VMP1: variants seen among roughly 807,000 people sequenced by gnomAD.
VMP1 encodes ectopic P-granules autophagy protein 3 homolog.
A neutral mutation model predicts 56.0 loss-of-function variants in VMP1; 11 were observed. The ratio of observed to expected loss-of-function variants is 0.20; its 90% CI spans 0.12 to 0.32. The LOEUF is 0.32. VMP1 is among the 10% of genes least tolerant of loss of function. The pLI is 1.00. For synonymous variants in VMP1, 149 were observed against 165.0 expected, an observed-to-expected ratio of 0.90 and a Z score of 0.74; for missense variants, 296 against 490.3, an observed-to-expected ratio of 0.60 and a Z score of 3.74.
chr17:59,781,768 A>C (rs1206348971), intron 7 of VMP1, among the ~76,000 whole-genome samples: 1 of 152,192 alleles, frequency 6.6e-6, no homozygotes, highest in Non-Finnish European at 1.5e-5. Context: ...TGTTCATCTA[A>C]CAGGTGCATA....
chr17:59,730,614 G>A (rs532558107), intron 1 of VMP1, among the ~76,000 whole-genome samples: 2 of 152,260 alleles, frequency 1.3e-5, no homozygotes, highest in Non-Finnish European at 2.9e-5. Context: ...TTGTATTAAG[G>A]ACTCAGCATT....
chr17:59,712,516 T>A (rs2033972235), intron 1 of VMP1, among the ~76,000 whole-genome samples: 1 of 152,206 alleles, frequency 6.6e-6, no homozygotes, highest in Non-Finnish European at 1.5e-5. Context: ...CCTTATCTGT[T>A]CATTATCCAG....
At chr17:59,822,062 A>G (rs1568212649) in intron 10 of VMP1, among the ~76,000 whole-genome samples, 1 of 150,624 alleles carries the variant, frequency 6.6e-6, no homozygotes, top group Non-Finnish European at 1.5e-5. Context: ...GGCTGATCTC[A>G]AGCTCCTGAC....
chr17:59,773,378 C>T (rs1441263448), intron 6 of VMP1, among the ~76,000 whole-genome samples: 1 of 150,766 alleles, frequency 6.6e-6, no homozygotes. Flanking sequence ...TTAGTGTCTA[C>T]AATGAGCCAG....
intron 10 of VMP1, among the ~76,000 whole-genome samples, chr17:59,835,240 G>A (rs776887262): frequency 4.8e-5 from 7 of 145,946 alleles, no homozygotes; most frequent in African/African-American, 1.0e-4. Context: ...GCGATTCTTC[G>A]GCCTCAGCCT....
intron 5 of VMP1, among the ~76,000 whole-genome samples, chr17:59,745,812 G>A (rs1437621020): frequency 6.6e-6 from 1 of 151,956 alleles, no homozygotes; most frequent in Non-Finnish European, 1.5e-5. Context: ...GAAAAATATG[G>A]GCCTCCTTTT....
intron 7 of VMP1, among the ~76,000 whole-genome samples, chr17:59,801,109 T>A (rs2037636676): frequency 8.1e-6 from 1 of 122,706 alleles, no homozygotes; most frequent in African/African-American, 4.8e-5. Flanking sequence ...TATATATATA[T>A]ATATGTGTGT....
chr17:59,779,197 G>T (rs1213007536), intron 7 of VMP1, among the ~76,000 whole-genome samples: 2 of 152,220 alleles, frequency 1.3e-5, no homozygotes, highest in African/African-American at 4.8e-5. Context: ...AAGCTAGACT[G>T]GGGAAGAGTG....
intron 6 of VMP1, among the ~76,000 whole-genome samples, chr17:59,765,703 G>T (rs2036207953): frequency 6.6e-6 from 1 of 152,034 alleles, no homozygotes; most frequent in Non-Finnish European, 1.5e-5. Flanking sequence ...GGAGGAGGCG[G>T]AGGGAAAGAA....
intron 7 of VMP1, among the ~76,000 whole-genome samples, chr17:59,793,941 G>A (rs1038625447): frequency 5.4e-5 from 8 of 148,448 alleles, no homozygotes; most frequent in African/African-American, 2.0e-4. Context: ...TGTTTTTCAA[G>A]ACAGAGTCTT....
chr17:59,739,263 TC>T (rs1368406154), intron 5 of VMP1, among the ~76,000 whole-genome samples: 3 of 152,244 alleles, frequency 2.0e-5, no homozygotes, highest in African/African-American at 7.2e-5. Context: ...ATAAATGAAG[TC>T]CATTTAAATA....
chr17:59,774,116 T>G (rs1303794859), intron 7 of VMP1, among the ~76,000 whole-genome samples: 1 of 152,092 alleles, frequency 6.6e-6, no homozygotes, highest in Admixed American at 6.5e-5. Context: ...CTAAAACACC[T>G]TGTCAGAAAC....
chr17:59,735,448 G>T lies in VMP1; in HGVS notation c.187G>T (p.Val63Leu). 1 of 1,614,064 alleles carries T rather than the reference G, an allele frequency of 6.2e-7. No homozygotes were observed. Among genetic ancestry groups the T allele is most frequent in the Non-Finnish European group, 8.5e-7 (1 of 1,179,984 alleles). Residue 63 changes from valine to leucine, a missense_variant, in exon 3 of 12, where the codon GTA becomes TTA. Val to Leu is a conservative substitution (Grantham distance 32). Coordinates refer to ENST00000262291, the MANE Select transcript of VMP1 (RefSeq NM_030938.5). Reference protein sequence around the residue: ...TLQYFSLEILVILKEWTSKLW... With the variant: ...TLQYFSLEILLILKEWTSKLW... Reference sequence around the variant, plus strand: ...GCAGTATTTTTCTCTGGAAATCCTTGTAATCTTGAAGGAATGGACCTCAAA... The same window carrying T: ...GCAGTATTTTTCTCTGGAAATCCTTTTAATCTTGAAGGAATGGACCTCAAA...
intron 7 of VMP1, among the ~76,000 whole-genome samples, chr17:59,790,914 G>C (rs902299962): frequency 6.6e-6 from 1 of 152,032 alleles, no homozygotes; most frequent in Non-Finnish European, 1.5e-5. Flanking sequence ...TCCTCTTCAA[G>C]CCTTTCTAGA....
At chr17:59,804,438 A>G (rs544563376) in intron 7 of VMP1, among the ~76,000 whole-genome samples, 2 of 151,876 alleles carry the variant, frequency 1.3e-5, no homozygotes, top group Admixed American at 1.3e-4. Context: ...ACACGGTGAA[A>G]CTCTATCTCT....
chr17:59,764,094 C>T (rs1160928258), intron 5 of VMP1, among the ~76,000 whole-genome samples: 3 of 152,056 alleles, frequency 2.0e-5, no homozygotes, highest in Non-Finnish European at 2.9e-5. Context: ...TTTATGATCT[C>T]ACTGGGAAAG....
chr17:59,744,540 A>G (rs1046037741), intron 5 of VMP1, among the ~76,000 whole-genome samples: 1 of 150,896 alleles, frequency 6.6e-6, no homozygotes, highest in African/African-American at 2.4e-5. Flanking sequence ...CTGTAGTCTC[A>G]GCACTTTGAG....
chr17:59,831,771 TAAAA>T (rs956223730), intron 10 of VMP1, among the ~76,000 whole-genome samples: 1 of 137,582 alleles, frequency 7.3e-6, no homozygotes, highest in African/African-American at 2.7e-5. Flanking sequence ...TTTCTTTAAA[TAAAA>T]AAAAAAATTT....
intron 1 of VMP1, among the ~76,000 whole-genome samples, chr17:59,710,086 A>C (rs2033850999): frequency 6.6e-6 from 1 of 151,804 alleles, no homozygotes; most frequent in Non-Finnish European, 1.5e-5. Flanking sequence ...AATCCCAGCT[A>C]CTCCGGAGGC....
Sources: allele counts gnomAD v4.1 joint callset (sites outside exome capture counted in the v4.1 genomes callset), GRCh38; gene constraint gnomAD v4.1.1; transcripts MANE v1.5; gene names NCBI Gene and HGNC (gene_info 2026-07-23, HGNC 2026-07-21).